CREB5: variants seen among roughly 807,000 people sequenced by gnomAD.
CREB5 encodes cyclic AMP-responsive element-binding protein 5.
In CREB5, 19 loss-of-function variants were observed where a neutral mutation model predicts 57.1. That is an observed-to-expected ratio of 0.33 (90% CI 0.23 to 0.49). CREB5 has a LOEUF of 0.49. Among genes scored for constraint, CREB5 ranks in the 20% least tolerant of loss-of-function variants. The pLI is 0.99. For synonymous variants in CREB5, 238 were observed against 238.3 expected, an observed-to-expected ratio of 1.00 and a Z score of 0.01; for missense variants, 579 against 671.6, an observed-to-expected ratio of 0.86 and a Z score of 1.52.
chr7:28,731,097 T>C (rs1191922590), intron 7 of CREB5, among the ~76,000 whole-genome samples: 4 of 152,238 alleles, frequency 2.6e-5, no homozygotes. Context: ...TGAGTTTAGC[T>C]ATTGTTATTA....
At chr7:28,339,561 C>G (rs1355079155) in intron 1 of CREB5, among the ~76,000 whole-genome samples, 1 of 152,202 alleles carries the variant, frequency 6.6e-6, no homozygotes, top group Non-Finnish European at 1.5e-5. Context: ...GCCCCCACTA[C>G]TTGGGCTGTG....
At chr7:28,557,764 G>T (rs1304822062) in intron 4 of CREB5, among the ~76,000 whole-genome samples, 1 of 152,148 alleles carries the variant, frequency 6.6e-6, no homozygotes, top group East Asian at 1.9e-4. Context: ...TGGTGCCAAG[G>T]CTCCTGTGTG....
intron 5 of CREB5, among the ~76,000 whole-genome samples, chr7:28,617,342 C>T (rs1797630439): frequency 6.6e-6 from 1 of 152,212 alleles, no homozygotes; most frequent in Non-Finnish European, 1.5e-5. Context: ...GATGAATGCA[C>T]ACAGGTCAGA....
intron 1 of CREB5, among the ~76,000 whole-genome samples, chr7:28,380,949 A>G (rs914616651): frequency 6.6e-6 from 1 of 152,180 alleles, no homozygotes; most frequent in African/African-American, 2.4e-5. Flanking sequence ...TGTACCCTCC[A>G]TGAAATTATA....
At chr7:28,438,588 A>G (rs1789054554) in intron 1 of CREB5, among the ~76,000 whole-genome samples, 1 of 152,210 alleles carries the variant, frequency 6.6e-6, no homozygotes, top group Non-Finnish European at 1.5e-5. Context: ...GAATCAAAAT[A>G]ATTGCAGCCA....
At chr7:28,686,162 C>T in intron 5 of CREB5, 1 of 1,613,806 alleles carries the variant, frequency 6.2e-7, no homozygotes, top group Non-Finnish European at 8.5e-7. Flanking sequence ...TGTTCTGCAC[C>T]TCAGGAGGGA....
chr7:28,642,977 C>CACAT (rs1562544702), intron 5 of CREB5, among the ~76,000 whole-genome samples: 5 of 111,778 alleles, frequency 4.5e-5, no homozygotes, highest in African/African-American at 6.2e-5. Flanking sequence ...CACACACACA[C>CACAT]ACACACACAT....
At chr7:28,806,614 G>C (rs1471233018) in intron 8 of CREB5, among the ~76,000 whole-genome samples, 1 of 152,150 alleles carries the variant, frequency 6.6e-6, no homozygotes, top group Non-Finnish European at 1.5e-5. Context: ...TCTGGTTTTA[G>C]GGTTGTATTT....
chr7:28,487,831 G>A (rs1294907003), intron 1 of CREB5, among the ~76,000 whole-genome samples: 4 of 152,190 alleles, frequency 2.6e-5, no homozygotes, highest in Non-Finnish European at 5.9e-5. Flanking sequence ...TGTACACTTT[G>A]CCTGAGAACC....
chr7:28,599,701 G>A (rs1210556597), intron 5 of CREB5, among the ~76,000 whole-genome samples: 1 of 152,090 alleles, frequency 6.6e-6, no homozygotes, highest in Non-Finnish European at 1.5e-5. Context: ...CTTTAGTCCT[G>A]AAAGTTCCAG....
chr7:28,800,963 T>C (rs1211886632), intron 7 of CREB5, among the ~76,000 whole-genome samples: 1 of 152,216 alleles, frequency 6.6e-6, no homozygotes, highest in Non-Finnish European at 1.5e-5. Flanking sequence ...TGGCTTTGCC[T>C]CTCCTTTAGC....
At chr7:28,729,326 C>G (rs1420751123) in intron 7 of CREB5, among the ~76,000 whole-genome samples, 1 of 152,206 alleles carries the variant, frequency 6.6e-6, no homozygotes, top group South Asian at 2.1e-4. Context: ...TGTGATTTCT[C>G]TGTCAGCTGC....
chr7:28,399,469 C>G (rs1787406563), intron 1 of CREB5, among the ~76,000 whole-genome samples: 3 of 148,596 alleles, frequency 2.0e-5, no homozygotes, highest in Admixed American at 2.0e-4. Context: ...AATAGAGACC[C>G]TGAAATAAAG....
chr7:28,806,490 C>CTTTTTGAAATTATAATTT (rs1279751024), intron 8 of CREB5, among the ~76,000 whole-genome samples: 1 of 152,062 alleles, frequency 6.6e-6, no homozygotes, highest in Non-Finnish European at 1.5e-5. Flanking sequence ...TAAAATCTGC[C>CTTTTTGAAATTATAATTT]TTTTTGAAAT....
chr7:28,534,536 C>G (rs965403321), intron 4 of CREB5, among the ~76,000 whole-genome samples: 2 of 152,216 alleles, frequency 1.3e-5, no homozygotes, highest in African/African-American at 2.4e-5. Context: ...GATGACAATT[C>G]CAGCCAGCAT....
chr7:28,735,414 ATC>A (rs1352463000), intron 7 of CREB5, among the ~76,000 whole-genome samples: 1 of 152,194 alleles, frequency 6.6e-6, no homozygotes, highest in East Asian at 1.9e-4. Context: ...TCCTGCTCTT[ATC>A]CCATTTATGA....
chr7:28,372,964 T>A (rs1021727842), intron 1 of CREB5, among the ~76,000 whole-genome samples: 1 of 151,608 alleles, frequency 6.6e-6, no homozygotes, highest in East Asian at 1.9e-4. Flanking sequence ...GCGGGGATGG[T>A]GTTTATTTGG....
chr7:28,595,242 T>G (rs1796654918), intron 5 of CREB5, among the ~76,000 whole-genome samples: 1 of 152,104 alleles, frequency 6.6e-6, no homozygotes, highest in African/African-American at 2.4e-5. Context: ...CATAGCAGCA[T>G]GGATTTGTTC....
chr7:28,430,966 G>A (rs73297128), intron 1 of CREB5, among the ~76,000 whole-genome samples: 2,620 of 152,284 alleles, frequency 0.017, 88 homozygotes, highest in African/African-American at 0.059. Flanking sequence ...TCCACACCAA[G>A]CTCACTTGTA....
Sources: allele counts gnomAD v4.1 joint callset (sites outside exome capture counted in the v4.1 genomes callset), GRCh38; gene constraint gnomAD v4.1.1; transcripts MANE v1.5; gene names NCBI Gene and HGNC (gene_info 2026-07-23, HGNC 2026-07-21).